BYSL: variants seen among roughly 807,000 people sequenced by gnomAD.
The protein encoded by BYSL is bystin.
Under a neutral mutation model 45.4 loss-of-function variants are expected in BYSL, and 21 were observed. That is an observed-to-expected ratio of 0.46 (90% CI 0.33 to 0.67). The LOEUF (loss-of-function observed/expected upper bound fraction) is 0.67. Ranked by LOEUF, BYSL falls within the 30% of genes least tolerant of loss-of-function variation. BYSL has a pLI of 0.02. For synonymous variants in BYSL, 215 were observed against 231.3 expected, an observed-to-expected ratio of 0.93 and a Z score of 0.64; for missense variants, 522 against 578.5, an observed-to-expected ratio of 0.90 and a Z score of 1.00.
At chr6:41,914,669 T>G in the BYSL span, among the ~76,000 whole-genome samples, 1 of 151,412 alleles carries the variant, frequency 6.6e-6, no homozygotes, top group Admixed American at 6.6e-5. Context: ...CAGTGAGCTG[T>G]GATCATGCTA....
chr6:41,928,658 C>G (rs539104015), intron 2 of BYSL, among the ~76,000 whole-genome samples: 2 of 152,272 alleles, frequency 1.3e-5, no homozygotes, highest in African/African-American at 4.8e-5. Context: ...GAAAGCAAGC[C>G]TAGATCCACA....
chr6:41,916,692 C>A, upstream of BYSL: 2 of 1,491,382 alleles, frequency 1.3e-6, no homozygotes, highest in East Asian at 2.3e-5. Context: ...AAGAATACCA[C>A]CTTTAGCAGA....
intron 4 of BYSL, 34 bp from the exon 5 acceptor site, chr6:41,931,362 G>C: frequency 6.2e-7 from 1 of 1,612,890 alleles, no homozygotes; most frequent in Non-Finnish European, 8.5e-7. Flanking sequence ...ACTGTCGTGT[G>C]AGTTGGAAAC....
intron 1 of BYSL, among the ~76,000 whole-genome samples, chr6:41,922,130 T>A (rs1775492407): frequency 6.6e-6 from 1 of 152,142 alleles, no homozygotes; most frequent in African/African-American, 2.4e-5. Context: ...TGCGCTATGC[T>A]CGGAATTCTA....
the BYSL span, among the ~76,000 whole-genome samples, chr6:41,913,331 G>A: frequency 6.6e-6 from 1 of 152,122 alleles, no homozygotes; most frequent in Non-Finnish European, 1.5e-5. Flanking sequence ...CAAGTTTATT[G>A]CTCTTTCCTG....
At chr6:41,929,340 A>G (rs969019207) in intron 2 of BYSL, among the ~76,000 whole-genome samples, 23 of 152,146 alleles carry the variant, frequency 1.5e-4, no homozygotes, top group African/African-American at 5.6e-4. Context: ...TCTACAGAAG[A>G]ATAAAAAACT....
At chr6:41,912,713 G>T in the BYSL span, among the ~76,000 whole-genome samples, 1 of 152,132 alleles carries the variant, frequency 6.6e-6, no homozygotes, top group Non-Finnish European at 1.5e-5. Context: ...ACCTTGTGAA[G>T]CAAGCAGAAC....
At chr6:41,919,306 T>C (rs566522407), upstream of BYSL, among the ~76,000 whole-genome samples, 397 of 152,228 alleles carry the variant, frequency 2.6e-3, no homozygotes, top group Non-Finnish European at 4.7e-3. Context: ...ATGTAGTGCC[T>C]GTTAAAACAT....
upstream of BYSL, chr6:41,921,462 G>A (rs921729256): frequency 1.2e-5 from 17 of 1,441,504 alleles, no homozygotes; most frequent in African/African-American, 2.3e-4. Context: ...CGCTGTGATC[G>A]CCGGGCGGCC....
the BYSL span, chr6:41,909,461 G>A: frequency 3.5e-4 from 568 of 1,614,090 alleles, no homozygotes; most frequent in Non-Finnish European, 3.7e-4. Flanking sequence ...TCTCAAAGAG[G>A]GCGAAACAGC....
chr6:41,925,272 T>C (rs1775546989), intron 1 of BYSL, among the ~76,000 whole-genome samples: 1 of 152,216 alleles, frequency 6.6e-6, no homozygotes, highest in South Asian at 2.1e-4. Context: ...ATACGTAGCA[T>C]TATAGCTCCC....
chr6:41,929,103 T>C (rs1298655887), intron 2 of BYSL, among the ~76,000 whole-genome samples: 4 of 152,160 alleles, frequency 2.6e-5, no homozygotes, highest in African/African-American at 9.7e-5. Context: ...GGTTTCACCA[T>C]GTTGGCCAGG....
Position 41,921,529 on chromosome 6 carries a change from C to A in BYSL, c.-34C>A. 8 of 1,546,948 alleles carry A rather than the reference C, an allele frequency of 5.2e-6. No individual in the cohort carries two copies. The highest frequency in any genetic ancestry group is 7.0e-6 in the Non-Finnish European group (8 of 1,145,372). ...CATCCTGGCCTTTCTTCAGTCCCCA[C>A]GTGCGATCCTTCCCGGCAACTTTTT... On this transcript the variant is annotated 5_prime_UTR_variant, in exon 1 of 7. Transcript: ENST00000230340.
At chr6:41,909,020 T>TAA in the BYSL span, 631 of 438,276 alleles carry the variant, frequency 1.4e-3, no homozygotes, top group South Asian at 3.9e-3. Flanking sequence ...TCATTTCTAC[T>TAA]AAAAAAAAAA....
upstream of BYSL, chr6:41,917,754 C>T (rs1458015364): frequency 2.1e-6 from 1 of 471,076 alleles, no homozygotes; most frequent in Non-Finnish European, 4.4e-6. Context: ...GTTCTGACTA[C>T]ATCAAGGGAA....
chr6:41,920,943 G>A, upstream of BYSL: 4 of 1,581,296 alleles, frequency 2.5e-6, no homozygotes, highest in South Asian at 4.6e-5. Context: ...CCATGGTCAA[G>A]GTCCTCTTTC....
chr6:41,911,049 C>A, the BYSL span, among the ~76,000 whole-genome samples: 1 of 149,192 alleles, frequency 6.7e-6, no homozygotes, highest in African/African-American at 2.5e-5. Flanking sequence ...GCAGAGGTTG[C>A]AGTGAGCCGA....
chr6:41,921,966 C>G, intron 1 of BYSL, 136 bp downstream of exon 1: 4 of 1,303,312 alleles, frequency 3.1e-6, no homozygotes, highest in South Asian at 3.1e-5. Flanking sequence ...GAGACTGAAC[C>G]CTGTCTAGAG....
upstream of BYSL, among the ~76,000 whole-genome samples, chr6:41,920,001 G>A (rs1373106577): frequency 1.3e-5 from 2 of 152,124 alleles, no homozygotes; most frequent in East Asian, 3.8e-4. Flanking sequence ...CAAATATCCT[G>A]GCCTCCGGAT....
Sources: gnomAD v4.1 joint callset for allele counts (sites outside exome capture counted in the v4.1 genomes callset) on GRCh38, gnomAD v4.1.1 for gene constraint, MANE v1.5 for transcripts, NCBI Gene and HGNC (gene_info 2026-07-23, HGNC 2026-07-21) for gene names.